Variants in IGFL2 observed in about 807,000 individuals in gnomAD.
The protein encoded by IGFL2 is insulin growth factor-like family member 2.
A neutral mutation model predicts 13.9 loss-of-function variants in IGFL2; 7 were observed. The observed-to-expected ratio is 0.51, with a 90% CI of 0.29 to 0.95. The LOEUF is 0.95. Ranked by LOEUF, IGFL2 falls within the 40% of genes least tolerant of loss-of-function variation. The probability of loss-of-function intolerance (pLI) is 0.08; values close to 1 mark genes in which losing one functional copy is unlikely to be tolerated. For synonymous variants in IGFL2, 55 were observed against 55.8 expected (o/e 0.99, Z 0.07); for missense variants, 138 against 147.8 (o/e 0.93, Z 0.34).
At chr19:46,200,506 T>TTTCTG in the IGFL2 span, among the ~76,000 whole-genome samples, 2 of 147,360 alleles carry the variant, frequency 1.4e-5, no homozygotes, top group African/African-American at 5.2e-5. Flanking sequence ...TTTCTTTTCT[T>TTTCTG]TTCTCTTTTC....
the IGFL2 span, among the ~76,000 whole-genome samples, chr19:46,179,178 T>C: frequency 6.9e-6 from 1 of 145,448 alleles, no homozygotes; most frequent in Non-Finnish European, 1.5e-5. Context: ...GTGCAGAGTC[T>C]GTGAGAGGCA....
chr19:46,139,328 C>T (rs376660923), upstream of IGFL2, among the ~76,000 whole-genome samples: 1 of 108,270 alleles, frequency 9.2e-6, no homozygotes, highest in Non-Finnish European at 2.0e-5. Context: ...CAGCTCCTCT[C>T]CCCAATCAAA....
chr19:46,178,131 G>T, the IGFL2 span, among the ~76,000 whole-genome samples: 126 of 152,216 alleles, frequency 8.3e-4, 2 homozygotes, highest in Middle Eastern at 0.017. Context: ...AAAAAAATTA[G>T]TCGGGCATGG....
At chr19:46,107,018 T>C in the IGFL2 span, among the ~76,000 whole-genome samples, 1 of 152,266 alleles carries the variant, frequency 6.6e-6, no homozygotes, top group Admixed American at 6.5e-5. Flanking sequence ...AGTTAAAATG[T>C]CTTGACCTAA....
the IGFL2 span, chr19:46,173,527 A>G: frequency 3.3e-5 from 5 of 152,636 alleles, no homozygotes; most frequent in Admixed American, 2.0e-4. Context: ...GAAGCTTACA[A>G]TATGGCAGAA....
the IGFL2 span, among the ~76,000 whole-genome samples, chr19:46,108,153 G>A: frequency 6.6e-6 from 1 of 152,172 alleles, no homozygotes; most frequent in Non-Finnish European, 1.5e-5. Context: ...TGGGGAGGAG[G>A]GGAGAGGTCA....
At chr19:46,165,965 C>T (rs1210505905), downstream of IGFL2, among the ~76,000 whole-genome samples, 1 of 152,160 alleles carries the variant, frequency 6.6e-6, no homozygotes, top group Admixed American at 6.5e-5. Flanking sequence ...AGGACATTCT[C>T]CATTGTATCT....
At chr19:46,162,658 C>A (rs887360562), downstream of IGFL2, among the ~76,000 whole-genome samples, 1 of 152,102 alleles carries the variant, frequency 6.6e-6, no homozygotes, top group Non-Finnish European at 1.5e-5. Flanking sequence ...CTGTTAGGTT[C>A]TTTTTTATAC....
the IGFL2 span, among the ~76,000 whole-genome samples, chr19:46,190,694 C>A: frequency 6.6e-6 from 1 of 152,214 alleles, no homozygotes; most frequent in Non-Finnish European, 1.5e-5. Flanking sequence ...CCCTGGTAAT[C>A]CCCCAACCCT....
chr19:46,129,501 C>T, the IGFL2 span, among the ~76,000 whole-genome samples: 1 of 152,056 alleles, frequency 6.6e-6, no homozygotes, highest in Non-Finnish European at 1.5e-5. Flanking sequence ...GCAATTAGTA[C>T]TATAAATTTC....
At chr19:46,083,223 C>T in the IGFL2 span, among the ~76,000 whole-genome samples, 9 of 152,238 alleles carry the variant, frequency 5.9e-5, no homozygotes, top group Non-Finnish European at 7.4e-5. Flanking sequence ...CAAAGACATA[C>T]GTATAAGACT....
intron 1 of IGFL2, among the ~76,000 whole-genome samples, chr19:46,150,666 C>T (rs921867779): frequency 3.3e-5 from 5 of 151,992 alleles, no homozygotes; most frequent in Admixed American, 6.6e-5. Flanking sequence ...TTGAAATATA[C>T]AACACACCAT....
At chr19:46,158,017 A>G (rs557751740) in intron 1 of IGFL2, among the ~76,000 whole-genome samples, 4 of 152,292 alleles carry the variant, frequency 2.6e-5, no homozygotes, top group African/African-American at 7.2e-5. Context: ...ATTGAAATTA[A>G]TAACAAAATA....
At chr19:46,136,750 C>A in the IGFL2 span, 13 of 587,256 alleles carry the variant, frequency 2.2e-5, no homozygotes, top group Non-Finnish European at 3.9e-5. Context: ...ATGGGTTAAG[C>A]TGTAAGTTTC....
chr19:46,176,495 G>C, the IGFL2 span, among the ~76,000 whole-genome samples: 4 of 152,256 alleles, frequency 2.6e-5, no homozygotes, highest in East Asian at 7.7e-4. Context: ...TCTTGACTCT[G>C]GGAGAAACCC....
chr19:46,105,265 G>C, the IGFL2 span, among the ~76,000 whole-genome samples: 1 of 152,302 alleles, frequency 6.6e-6, no homozygotes, highest in African/African-American at 2.4e-5. Flanking sequence ...TATAAATATT[G>C]ATGCGTAGTC....
chr19:46,148,319 G>A (rs1445367932), intron 1 of IGFL2, 22 bp downstream of exon 1: 1 of 1,548,524 alleles, frequency 6.5e-7, no homozygotes, highest in East Asian at 2.4e-5. Flanking sequence ...CTTGCCCCAG[G>A]TTGAGCTAAT....
chr19:46,167,631 T>C, the IGFL2 span, among the ~76,000 whole-genome samples: 1 of 152,238 alleles, frequency 6.6e-6, no homozygotes, highest in Non-Finnish European at 1.5e-5. Flanking sequence ...TATTATGGAC[T>C]GAATGTTTAT....
the IGFL2 span, among the ~76,000 whole-genome samples, chr19:46,079,433 CA>C: frequency 1.3e-5 from 2 of 152,200 alleles, no homozygotes; most frequent in Admixed American, 1.3e-4. Context: ...CCTGGTTTTG[CA>C]GCCTAAGCGG....
Sources: allele counts gnomAD v4.1 joint callset (sites outside exome capture counted in the v4.1 genomes callset), GRCh38; gene constraint gnomAD v4.1.1; transcripts MANE v1.5; gene names NCBI Gene and HGNC (gene_info 2026-07-23, HGNC 2026-07-21).